The following APPL1 variants were observed in gnomAD, a reference collection of about 807,000 sequenced individuals.
The protein encoded by APPL1 is DCC-interacting protein 13-alpha.
A neutral mutation model predicts 106.8 loss-of-function variants in APPL1; 42 were observed. That is an observed-to-expected ratio of 0.39 (90% CI 0.31 to 0.51). The LOEUF is 0.51. APPL1 is among the 20% of genes least tolerant of loss of function. APPL1 has a pLI of 0.75. For missense variants in APPL1, 769 were observed against 858.2 expected, an observed-to-expected ratio of 0.90 and a Z score of 1.30; for synonymous variants, 263 against 281.8, an observed-to-expected ratio of 0.93 and a Z score of 0.67.
chr3:57,240,442 C>T, intron 4 of APPL1, 23 bp from the exon 5 acceptor site: 1 of 1,599,224 alleles, frequency 6.3e-7, no homozygotes, highest in Non-Finnish European at 8.6e-7. Context: ...GTTATTTGGC[C>T]TTTTTGGTCT....
At chr3:57,237,388 G>A in intron 2 of APPL1, 104 bp from the exon 3 acceptor site, 1 of 806,414 alleles carries the variant, frequency 1.2e-6, no homozygotes, top group Non-Finnish European at 2.0e-6. Context: ...TAAAAAACAT[G>A]TACAATATTT....
At chr3:57,256,328 AT>A (rs11293636) in intron 13 of APPL1, among the ~76,000 whole-genome samples, 70,307 of 152,058 alleles carry the variant, frequency 0.46, 16,864 homozygotes, top group East Asian at 0.85. Context: ...TTTAAATACC[AT>A]TTTTTATTTA....
At chr3:57,259,165 A>C (rs567370618) in intron 16 of APPL1, 85 bp downstream of exon 16, 1 of 1,183,578 alleles carries the variant, frequency 8.4e-7, no homozygotes, top group African/African-American at 1.5e-5. Flanking sequence ...TTGCTCTGCT[A>C]CTAAGCTCAG....
rs747343594 is a variant in APPL1, at chr3:57,259,807, T to TA, written c.1484-28dup. ...AAAAATAAAATGTAAATTTATACAGTAAAAAAAAAATATGTAATACACCTT... is the reference window on the plus strand; with the variant it reads ...AAAAATAAAATGTAAATTTATACAGTAAAAAAAAAAATATGTAATACACCTT... On this transcript the variant is annotated intron_variant, in intron 16 of 21. Coordinates refer to ENST00000288266, the MANE Select transcript of APPL1 (RefSeq NM_012096.3). 5.9e-3 allele frequency: 6,623 copies of TA among 1,124,826 alleles called. 20 individuals carry two copies. Among genetic ancestry groups the TA allele is most frequent in the Admixed American group, 0.037 (1,300 of 35,030 alleles). The allele number at this position is 1,124,826 out of a possible 1,614,324, so 69.7% of individuals were successfully genotyped here. A position where few individuals can be genotyped will look rare whatever the true frequency, so the allele number is the denominator to read the frequency against.
chr3:57,227,820 C>A lies in APPL1; in HGVS notation c.-64C>A, dbSNP rs2060659752. ...GCGGGCCGGGGTCAGCTGCGGCGGG[C>A]GGGCCGGCGCGGGGAGCTGTGGGCG... is the stretch of plus-strand genomic sequence containing the variant. On this transcript the variant is annotated 5_prime_UTR_variant, in exon 1 of 22. Coordinates refer to ENST00000288266, the MANE Select transcript of APPL1 (RefSeq NM_012096.3). The A allele has an allele frequency of 1.5e-6, 2 of 1,355,160 alleles. No individual in the cohort carries two copies. The highest frequency in any genetic ancestry group is 1.9e-6 in the Non-Finnish European group (2 of 1,029,312). The allele number at this position is 1,355,160 out of a possible 1,614,324, so 83.9% of individuals were successfully genotyped here.
chr3:57,237,351 C>A, intron 2 of APPL1, 141 bp from the exon 3 acceptor site: 1 of 605,668 alleles, frequency 1.7e-6, no homozygotes, highest in Non-Finnish European at 2.9e-6. Context: ...ATGGTAGTAC[C>A]CCTTTCCAGT....
In APPL1 at chr3:57,227,741, G is replaced by A. The variant is rs2060658329; in HGVS notation, c.-143G>A. 7.7e-6 allele frequency: 5 copies of A among 653,100 alleles called. No homozygotes were observed. In the Admixed American group the frequency reaches 1.8e-4, roughly 24 times the overall value. 40.5% of individuals were successfully genotyped at this position (653,100 alleles called of 1,614,324 possible). The stretch of plus-strand genomic sequence containing the variant: ...GGCGGGATTTCCCGCACGGCCGCTC[G>A]GCGCCTGGAGAAGGCTGTGCGGGCG... On this transcript the variant is annotated 5_prime_UTR_variant, in exon 1 of 22. Transcript: ENST00000288266.
chr3:57,258,936 T>G, intron 15 of APPL1, 92 bp from the exon 16 acceptor site: 2 of 961,672 alleles, frequency 2.1e-6, no homozygotes. Flanking sequence ...CTTTTTTTTT[T>G]TAAATGTTAA....
Position 57,252,317 on chromosome 3 carries a change from A to AT in APPL1, c.1095+10dup. The AT allele has an allele frequency of 6.3e-7, 1 of 1,590,958 alleles. No individual in the cohort carries two copies. The highest frequency in any genetic ancestry group is 1.1e-5 in the South Asian group (1 of 88,418). On this transcript the variant is annotated splice_region_variant and intron_variant, in intron 12 of 21. Transcript: ENST00000288266. ...GTAAAAAAGATCATGAAGAGGTAAG[A>AT]TTTTACCTAGTTCATTTCTTCATTG...
intron 12 of APPL1, among the ~76,000 whole-genome samples, chr3:57,253,405 A>C (rs550196438): frequency 6.6e-6 from 1 of 151,954 alleles, no homozygotes; most frequent in Non-Finnish European, 1.5e-5. Context: ...TTCTTACATA[A>C]ATCTACTAAA....
intron 18 of APPL1, 80 bp downstream of exon 18, chr3:57,260,233 C>A: frequency 7.1e-7 from 1 of 1,408,702 alleles, no homozygotes; most frequent in South Asian, 1.3e-5. Context: ...TAATCCTGAT[C>A]CTGTATATTC....
chr3:57,264,069 A>G (rs1052495386), intron 19 of APPL1, among the ~76,000 whole-genome samples: 10 of 152,112 alleles, frequency 6.6e-5, no homozygotes, highest in African/African-American at 2.2e-4. Context: ...CCTTTTTGCT[A>G]TAAGCCATTT....
At position 57,262,813 on chromosome 3, in the gene APPL1, GGTGTGTGTGTGTGTGTGT is replaced by G. The variant is rs4060605; in HGVS notation, c.1842+2056_1842+2073del. 0.011 allele frequency among the ~76,000 whole-genome samples: 1,606 copies of G among 142,750 alleles called. 62 individuals are homozygous for G. In the East Asian group the frequency reaches 0.13, roughly 11 times the overall value. The allele number at this position is 142,750 out of a possible 152,430, so 93.6% of individuals were successfully genotyped here. A position where few individuals can be genotyped will look rare whatever the true frequency, so the allele number is the denominator to read the frequency against. ...TTTTTCGTTTTTTGTGGGTACAAGG[GGTGTGTGTGTGTGTGTGT>G]GTGTGTGTGTGTGTGTATGCATTTT... On this transcript the variant is annotated intron_variant, in intron 19 of 21. Transcript: ENST00000288266.
rs940490336 is a variant in APPL1, at chr3:57,247,484, A to AT, written c.704+14dup. The AT allele has an allele frequency of 3.2e-6, 5 of 1,546,718 alleles. No homozygotes were observed. Among genetic ancestry groups the AT allele is most frequent in the Non-Finnish European group, 4.5e-6 (5 of 1,123,180 alleles). Reference sequence around the variant, plus strand: ...TTGGAACAAGCGTTCAGAAGTAAGTATTTTTTTCCTTAAAATTGAAAATGA... The same window carrying AT: ...TTGGAACAAGCGTTCAGAAGTAAGTATTTTTTTTCCTTAAAATTGAAAATGA... On this transcript the variant is annotated splice_region_variant and intron_variant, in intron 9 of 21. Transcript: ENST00000288266.
At chr3:57,266,717 A>C (rs1233368203) in intron 19 of APPL1, among the ~76,000 whole-genome samples, 1 of 152,068 alleles carries the variant, frequency 6.6e-6, no homozygotes, top group Non-Finnish European at 1.5e-5. Context: ...GTATTTTTAT[A>C]GTTTTGGGTC....
rs147774907 is a variant in APPL1 at position 57,254,914 on chromosome 3, C to T, written c.1152+1176C>T. ...TGCTGGGATTACAGGCGTGAGCCAC[C>T]ACGCCCAGCCAAGTTAAAGATTCTT... is the stretch of plus-strand genomic sequence containing the variant. On this transcript the variant is annotated intron_variant, in intron 13 of 21. Coordinates refer to ENST00000288266, the MANE Select transcript of APPL1 (RefSeq NM_012096.3). Among the ~76,000 whole-genome samples the T allele has an allele frequency of 1.2e-3, 184 of 152,358 alleles. 1 individual carries two copies. The highest frequency in any genetic ancestry group is 4.3e-3 in the African/African-American group (177 of 41,586).
rs758698340 is a variant in APPL1, at chr3:57,246,073, A to G, written c.475-3A>G. 3 of 1,561,600 alleles carry G rather than the reference A, an allele frequency of 1.9e-6. No homozygotes were observed. The highest frequency in any genetic ancestry group is 2.3e-5 in the East Asian group (1 of 43,408). On this transcript the variant is annotated splice_polypyrimidine_tract_variant and splice_region_variant and intron_variant, in intron 7 of 21. Coordinates refer to ENST00000288266, the MANE Select transcript of APPL1 (RefSeq NM_012096.3). ...TTAATTATTTAAATCTTTTCATTCA[A>G]AGGTGAAGTATGAAGTAACAGAAGA...
At chr3:57,256,929 T>C (rs773754265) in intron 13 of APPL1, 28 bp from the exon 14 acceptor site, 1 of 1,594,358 alleles carries the variant, frequency 6.3e-7, no homozygotes, top group Non-Finnish European at 8.6e-7. Context: ...TTACTAATAT[T>C]AGTCCTTTTT....
chr3:57,237,682 T>C (rs890087531), intron 3 of APPL1, 131 bp downstream of exon 3: 12 of 612,704 alleles, frequency 2.0e-5, no homozygotes, highest in Admixed American at 7.1e-5. Context: ...ATAGCACTTA[T>C]GTTCAGATAA....
Sources: allele counts gnomAD v4.1 joint callset (sites outside exome capture counted in the v4.1 genomes callset), GRCh38; gene constraint gnomAD v4.1.1; transcripts MANE v1.5; gene names NCBI Gene and HGNC (gene_info 2026-07-23, HGNC 2026-07-21).